Variants in ST6GALNAC3 observed in about 807,000 individuals in gnomAD.
ST6GALNAC3 encodes ST6 N-acetylgalactosaminide alpha-2,6-sialyltransferase 3.
A neutral mutation model predicts 32.7 loss-of-function variants in ST6GALNAC3; 25 were observed. The observed-to-expected ratio is 0.76, with a 90% confidence interval of 0.56 to 1.07. ST6GALNAC3 has a LOEUF of 1.07. ST6GALNAC3 is among the 50% of genes least tolerant of loss of function. ST6GALNAC3 has a pLI of 0.00. For missense variants in ST6GALNAC3, 355 were observed against 382.4 expected, an observed-to-expected ratio of 0.93 and a Z score of 0.60; for synonymous variants, 129 against 133.1, an observed-to-expected ratio of 0.97 and a Z score of 0.21.
intron 1 of ST6GALNAC3, among the ~76,000 whole-genome samples, chr1:76,212,298 C>T (rs138871040): frequency 1.3e-5 from 2 of 152,234 alleles, no homozygotes; most frequent in Non-Finnish European, 2.9e-5. Flanking sequence ...TATAGTGAAA[C>T]GCTTCCAGAC....
intron 1 of ST6GALNAC3, among the ~76,000 whole-genome samples, chr1:76,273,632 C>T (rs757581122): frequency 1.6e-4 from 25 of 151,934 alleles, no homozygotes; most frequent in Admixed American, 5.9e-4. Context: ...ATTTTTAATA[C>T]GTAAAGTCAG....
intron 3 of ST6GALNAC3, among the ~76,000 whole-genome samples, chr1:76,466,070 TAAA>T (rs1658606697): frequency 6.6e-6 from 1 of 152,134 alleles, no homozygotes; most frequent in African/African-American, 2.4e-5. Context: ...CATATAAAAA[TAAA>T]TTGTGTCATA....
intron 1 of ST6GALNAC3, among the ~76,000 whole-genome samples, chr1:76,121,255 G>A (rs185564934): frequency 5.9e-5 from 9 of 152,280 alleles, no homozygotes; most frequent in South Asian, 2.1e-4. Context: ...GGGATCACCC[G>A]TTGTTCTTTC....
At chr1:76,326,547 A>C (rs1007908150) in intron 2 of ST6GALNAC3, among the ~76,000 whole-genome samples, 3 of 152,172 alleles carry the variant, frequency 2.0e-5, no homozygotes, top group Non-Finnish European at 4.4e-5. Context: ...TGCCTTTTCT[A>C]CTAATATCTT....
chr1:76,560,523 T>C (rs79384431), intron 3 of ST6GALNAC3, among the ~76,000 whole-genome samples: 1 of 151,958 alleles, frequency 6.6e-6, no homozygotes, highest in African/African-American at 2.4e-5. Flanking sequence ...ATGAGCAAAA[T>C]ATTTGAATAG....
Position 76,483,212 on chromosome 1 carries a change from T to G in ST6GALNAC3, c.623+70795T>G, listed in dbSNP as rs113802650. ...GTGTGCATGTGTCTTTATAGCAGCA[T>G]GATTTGTAATCCTTCGGGTATATAC... On this transcript the variant is annotated intron_variant, in intron 3 of 4. Transcript: ENST00000328299. Among the ~76,000 whole-genome samples, 93 of 152,332 alleles carry G rather than the reference T, an allele frequency of 6.1e-4. 2 individuals carry two copies. Among genetic ancestry groups the G allele is most frequent in the African/African-American group, 2.2e-3 (90 of 41,584 alleles).
intron 1 of ST6GALNAC3, among the ~76,000 whole-genome samples, chr1:76,136,726 G>T (rs893735115): frequency 2.6e-5 from 4 of 152,178 alleles, no homozygotes; most frequent in African/African-American, 9.7e-5. Context: ...GAAACTGATT[G>T]TTGCTTAAAG....
At chr1:76,163,070 T>C (rs1395286897) in intron 1 of ST6GALNAC3, among the ~76,000 whole-genome samples, 1 of 152,218 alleles carries the variant, frequency 6.6e-6, no homozygotes, top group Admixed American at 6.5e-5. Context: ...GGGTGCTGAA[T>C]CCTAAAGCAG....
chr1:76,328,621 A>G (rs1647125596), intron 2 of ST6GALNAC3, among the ~76,000 whole-genome samples: 1 of 152,296 alleles, frequency 6.6e-6, no homozygotes, highest in African/African-American at 2.4e-5. Flanking sequence ...GTGCTCTTGA[A>G]ATAATATGAG....
At chr1:76,468,385 G>A (rs550846653) in intron 3 of ST6GALNAC3, among the ~76,000 whole-genome samples, 12 of 151,942 alleles carry the variant, frequency 7.9e-5, no homozygotes, top group Non-Finnish European at 1.5e-4. Context: ...CACATGATAA[G>A]AAACAAAGAA....
intron 3 of ST6GALNAC3, among the ~76,000 whole-genome samples, chr1:76,536,671 A>AAAAAAAAAAAAAAAAAAAAAAAAAC (rs1445021165): frequency 6.6e-6 from 1 of 151,352 alleles, no homozygotes; most frequent in African/African-American, 2.4e-5. Context: ...AAAAAAAAAA[A>AAAAAAAAAAAAAAAAAAAAAAAAAC]AAAAAGCAGG....
chr1:76,144,969 T>G (rs1478907527), intron 1 of ST6GALNAC3, among the ~76,000 whole-genome samples: 1 of 152,148 alleles, frequency 6.6e-6, no homozygotes, highest in African/African-American at 2.4e-5. Context: ...TTACTGAAAA[T>G]AATAATGCTT....
At chr1:76,191,379 G>T (rs1285227602) in intron 1 of ST6GALNAC3, among the ~76,000 whole-genome samples, 1 of 152,152 alleles carries the variant, frequency 6.6e-6, no homozygotes, top group Non-Finnish European at 1.5e-5. Flanking sequence ...GGAGGTATGG[G>T]AGGCGAGGAG....
chr1:76,374,091 A>C (rs1240249109), intron 2 of ST6GALNAC3, among the ~76,000 whole-genome samples: 1 of 152,208 alleles, frequency 6.6e-6, no homozygotes. Flanking sequence ...CACATTTTGC[A>C]GTGAGCCAAG....
At chr1:76,461,602 C>T (rs1658284327) in intron 3 of ST6GALNAC3, among the ~76,000 whole-genome samples, 3 of 152,096 alleles carry the variant, frequency 2.0e-5, no homozygotes, top group Non-Finnish European at 4.4e-5. Context: ...GTTACAGGCT[C>T]AGGATGACCC....
chr1:76,265,749 AAT>A (rs1658491756), intron 1 of ST6GALNAC3, among the ~76,000 whole-genome samples: 1 of 152,198 alleles, frequency 6.6e-6, no homozygotes, highest in African/African-American at 2.4e-5. Flanking sequence ...GGATTAAATG[AAT>A]ATATAAAATC....
rs1029433466 is a variant in ST6GALNAC3, at chr1:76,634,529, G to C, written c.*5723G>C. 2.0e-5 allele frequency: 3 copies of C among 152,142 alleles called. No individual in the cohort carries two copies. In the South Asian group the frequency reaches 6.2e-4, roughly 32 times the overall value. 9.4% of individuals were successfully genotyped at this position (152,142 alleles called of 1,614,324 possible). Reference sequence around the variant, plus strand: ...GTAAATGCACAGTTGTACGTTTGTTGAGAGTTTTTATGGCATTATAGTGCT... The same window carrying C: ...GTAAATGCACAGTTGTACGTTTGTTCAGAGTTTTTATGGCATTATAGTGCT... On this transcript the variant is annotated 3_prime_UTR_variant, in exon 5 of 5. Transcript: ENST00000328299.
chr1:76,452,056 G>T (rs190232533), intron 3 of ST6GALNAC3, among the ~76,000 whole-genome samples: 2 of 152,228 alleles, frequency 1.3e-5, no homozygotes, highest in East Asian at 1.9e-4. Context: ...CTGTGGGTTT[G>T]TCATAGATGG....
rs902155186 is a variant in ST6GALNAC3 at position 76,117,381 on chromosome 1, C to A, written c.18+42497C>A. The stretch of plus-strand genomic sequence containing the variant: ...AAAAACACTTGGACAAGATAACTTA[C>A]GGACTTGAGTGTAAAAACTTAAGAA... On this transcript the variant is annotated intron_variant, in intron 1 of 4. Coordinates refer to ENST00000328299, the MANE Select transcript of ST6GALNAC3 (RefSeq NM_152996.4). Among the ~76,000 whole-genome samples, 4 of 152,222 alleles carry A rather than the reference C, an allele frequency of 2.6e-5. No individual in the cohort carries two copies. In the East Asian group the frequency reaches 7.7e-4, roughly 29 times the overall value.
Sources: gnomAD v4.1 joint callset for allele counts (sites outside exome capture counted in the v4.1 genomes callset) on GRCh38, gnomAD v4.1.1 for gene constraint, MANE v1.5 for transcripts, NCBI Gene and HGNC (gene_info 2026-07-23, HGNC 2026-07-21) for gene names.